The following PKN2 variants were observed in gnomAD, a reference collection of about 807,000 sequenced individuals.
PKN2 encodes the protein protein kinase N2, also known as serine/threonine-protein kinase N2.
PKN2 carries 38 observed loss-of-function variants against 119.1 expected under a neutral mutation model. The ratio of observed to expected loss-of-function variants is 0.32; its 90% CI spans 0.25 to 0.42. The LOEUF is 0.42. PKN2 is among the 10% of genes least tolerant of loss of function. The pLI is 1.00. For missense variants in PKN2, 850 were observed against 1,165.1 expected, an observed-to-expected ratio of 0.73 and a Z score of 3.94; for synonymous variants, 390 against 384.9, an observed-to-expected ratio of 1.01 and a Z score of -0.15.
intron 16 of PKN2, among the ~76,000 whole-genome samples, chr1:88,815,185 CAT>C (rs1671935332): frequency 6.6e-6 from 1 of 152,118 alleles, no homozygotes; most frequent in Admixed American, 6.6e-5. Context: ...TAAAATAATA[CAT>C]AAATGTAGTT....
At chr1:88,729,234 C>T (rs959565341) in intron 1 of PKN2, among the ~76,000 whole-genome samples, 1 of 152,168 alleles carries the variant, frequency 6.6e-6, no homozygotes, top group African/African-American at 2.4e-5. Context: ...CAGTTGTTAT[C>T]CAGTAGGAGT....
intron 1 of PKN2, among the ~76,000 whole-genome samples, chr1:88,730,130 A>C (rs1053462715): frequency 4.6e-5 from 7 of 151,154 alleles, no homozygotes; most frequent in Non-Finnish European, 8.8e-5. Flanking sequence ...GTGCCACTGC[A>C]CTCCAGCCTG....
rs1242358781 is a variant in PKN2, at chr1:88,770,488, C to T, written c.622+19C>T. ...GATAATGGTGATGGAATAAATTGTC[C>T]TCCTTCTTATGAGCATAATGGTGCT... is the stretch of plus-strand genomic sequence containing the variant. On this transcript the variant is annotated intron_variant, in intron 4 of 21. Transcript: ENST00000370521. 1.5e-6 allele frequency: 2 copies of T among 1,294,394 alleles called. No homozygotes were observed. The highest frequency in any genetic ancestry group is 2.9e-5 in the African/African-American group (2 of 68,656). The allele number at this position is 1,294,394 out of a possible 1,614,324, so 80.2% of individuals were successfully genotyped here. A position where few individuals can be genotyped will look rare whatever the true frequency, so the allele number is the denominator to read the frequency against.
At chr1:88,767,376 G>T (rs140033124) in intron 3 of PKN2, among the ~76,000 whole-genome samples, 3 of 152,120 alleles carry the variant, frequency 2.0e-5, no homozygotes, top group Admixed American at 2.0e-4. Context: ...ATGAGCTTTG[G>T]AATACTTTTA....
At chr1:88,729,741 G>A (rs1668056917) in intron 1 of PKN2, among the ~76,000 whole-genome samples, 1 of 152,188 alleles carries the variant, frequency 6.6e-6, no homozygotes, top group African/African-American at 2.4e-5. Flanking sequence ...GGAAGGGTGT[G>A]AATGCAAAGA....
intron 19 of PKN2, chr1:88,829,340 C>G: frequency 2.0e-6 from 1 of 507,802 alleles, no homozygotes; most frequent in Admixed American, 2.8e-5. Context: ...ACCAACAGCT[C>G]CACCGAGATT....
intron 15 of PKN2, among the ~76,000 whole-genome samples, chr1:88,811,859 C>T (rs906675400): frequency 3.3e-5 from 5 of 152,146 alleles, no homozygotes; most frequent in African/African-American, 1.2e-4. Context: ...GTTGCACTTT[C>T]ACTTTGACCC....
intron 1 of PKN2, among the ~76,000 whole-genome samples, chr1:88,712,596 CAG>C (rs903250338): frequency 6.6e-5 from 10 of 152,140 alleles, no homozygotes; most frequent in Non-Finnish European, 1.0e-4. Context: ...TTCTTTCAGA[CAG>C]AAAATACTCA....
Position 88,807,367 on chromosome 1 carries a change from T to A in PKN2, c.1858T>A (p.Ser620Thr). 1 of 1,599,644 alleles carries A rather than the reference T, an allele frequency of 6.3e-7. No homozygotes were observed. Among genetic ancestry groups the A allele is most frequent in the African/African-American group, 1.3e-5 (1 of 74,678 alleles). The change falls in exon 13 of 22, where the codon TCT (serine) becomes ACT (threonine). Residue 620 changes from serine (S) to threonine (T), a missense_variant. Ser to Thr is a moderately conservative substitution (Grantham distance 58). Around this residue, in one of 9 missense-constraint regions of PKN2, gnomAD observed 216 missense variants for 252.8 expected, o/e 0.85. Coordinates refer to ENST00000370521, the MANE Select transcript of PKN2 (RefSeq NM_006256.4). ...TGACAGAAATAGTATACTTCCAAAATCTCAATCTGAATACAAGCCTGATAC... is the reference window on the plus strand; with the variant it reads ...TGACAGAAATAGTATACTTCCAAAAACTCAATCTGAATACAAGCCTGATAC... ...QNDRNSILPK[S>T]QSEYKPDTPQ...
At chr1:88,756,469 T>TAAAC (rs774323599) in intron 2 of PKN2, among the ~76,000 whole-genome samples, 3 of 152,168 alleles carry the variant, frequency 2.0e-5, no homozygotes, top group Non-Finnish European at 2.9e-5. Context: ...AATATTTAAA[T>TAAAC]GTTTAGACAG....
intron 8 of PKN2, among the ~76,000 whole-genome samples, chr1:88,795,897 A>G (rs750126963): frequency 7.2e-5 from 11 of 152,234 alleles, no homozygotes; most frequent in Non-Finnish European, 1.5e-4. Flanking sequence ...TAATTCTCAC[A>G]CAGCGCTGCA....
chr1:88,782,166 A>G (rs535310335), intron 6 of PKN2, among the ~76,000 whole-genome samples: 3 of 152,182 alleles, frequency 2.0e-5, no homozygotes, highest in Middle Eastern at 3.4e-3. Context: ...ATTGTTTTGC[A>G]TGAGAGATCT....
intron 1 of PKN2, among the ~76,000 whole-genome samples, chr1:88,725,806 C>G (rs1667875544): frequency 6.6e-6 from 1 of 151,984 alleles, no homozygotes; most frequent in Non-Finnish European, 1.5e-5. Context: ...TCACTTAACC[C>G]CAGGTTATGA....
intron 15 of PKN2, among the ~76,000 whole-genome samples, chr1:88,810,142 C>T (rs1242210493): frequency 6.7e-6 from 1 of 149,186 alleles, no homozygotes; most frequent in African/African-American, 2.5e-5. Flanking sequence ...TTTTTTGAGA[C>T]GGAGTTTTGC....
intron 16 of PKN2, among the ~76,000 whole-genome samples, chr1:88,820,975 G>C (rs983244686): frequency 6.6e-6 from 1 of 152,192 alleles, no homozygotes; most frequent in Non-Finnish European, 1.5e-5. Flanking sequence ...TGCGCCTCAA[G>C]AATTATTCTC....
intron 1 of PKN2, among the ~76,000 whole-genome samples, chr1:88,687,950 C>T (rs149672555): frequency 1.6e-4 from 25 of 152,278 alleles, no homozygotes. Flanking sequence ...ATTTGATCTT[C>T]ACAACAATCC....
At chr1:88,776,893 A>T (rs1370017014) in intron 6 of PKN2, among the ~76,000 whole-genome samples, 2 of 152,116 alleles carry the variant, frequency 1.3e-5, no homozygotes, top group Non-Finnish European at 2.9e-5. Flanking sequence ...CAGTTTAATT[A>T]TAATGTGTCT....
At chr1:88,807,169 TTTTTA>T in intron 12 of PKN2, 139 bp from the exon 13 acceptor site, 1 of 626,084 alleles carries the variant, frequency 1.6e-6, no homozygotes, top group Non-Finnish European at 2.6e-6. Flanking sequence ...AAAAAAAATT[TTTTTA>T]AAGAATGAGT....
At chr1:88,719,692 TGATA>T (rs1667591903) in intron 1 of PKN2, among the ~76,000 whole-genome samples, 1 of 152,198 alleles carries the variant, frequency 6.6e-6, no homozygotes, top group South Asian at 2.1e-4. Context: ...GGAGTTTTTG[TGATA>T]GATCTATTCT....
Sources: allele counts gnomAD v4.1 joint callset (sites outside exome capture counted in the v4.1 genomes callset), GRCh38; gene constraint gnomAD v4.1.1; regional missense constraint gnomAD v4.1.1; transcripts MANE v1.5; gene names NCBI Gene and HGNC (gene_info 2026-07-23, HGNC 2026-07-21).